Variants in GHR observed in about 807,000 individuals in gnomAD.
GHR encodes the protein GH receptor.
A neutral mutation model predicts 67.1 loss-of-function variants in GHR; 35 were observed. The ratio of observed to expected loss-of-function variants is 0.52; its 90% confidence interval spans 0.40 to 0.69. The LOEUF (loss-of-function observed/expected upper bound fraction) is 0.69. GHR is among the 30% of genes least tolerant of loss of function. GHR has a pLI of 0.00. For missense variants in GHR, 792 were observed against 764.6 expected, an observed-to-expected ratio of 1.04 and a Z score of -0.42; for synonymous variants, 272 against 269.1, an observed-to-expected ratio of 1.01 and a Z score of -0.10.
chr5:42,562,011 C>G (rs141850791), intron 1 of GHR, among the ~76,000 whole-genome samples: 1 of 151,790 alleles, frequency 6.6e-6, no homozygotes, highest in Admixed American at 6.6e-5. Context: ...AAGGGCTTGG[C>G]AGAGGGGAAT....
intron 2 of GHR, among the ~76,000 whole-genome samples, chr5:42,579,151 T>TGATAGATAGATAG (rs1554021883): frequency 3.4e-5 from 3 of 88,248 alleles, no homozygotes; most frequent in Non-Finnish European, 7.2e-5. Flanking sequence ...GATAGATAGA[T>TGATAGATAGATAG]ATAGATAGAT....
intron 3 of GHR, among the ~76,000 whole-genome samples, chr5:42,662,316 C>G (rs1402971586): frequency 6.6e-6 from 1 of 152,110 alleles, no homozygotes; most frequent in Non-Finnish European, 1.5e-5. Context: ...TTTTCAGCAC[C>G]ACACCACACC....
chr5:42,643,855 T>C (rs1273138099), intron 3 of GHR, among the ~76,000 whole-genome samples: 1 of 152,034 alleles, frequency 6.6e-6, no homozygotes, highest in Non-Finnish European at 1.5e-5. Flanking sequence ...ACAGTGGTAT[T>C]TTTTTAAAAA....
At chr5:42,516,747 G>A (rs575306971) in intron 1 of GHR, among the ~76,000 whole-genome samples, 24 of 152,160 alleles carry the variant, frequency 1.6e-4, no homozygotes, top group Non-Finnish European at 3.5e-4. Context: ...GAGCCCATCA[G>A]CAAGACGGTT....
At chr5:42,607,991 A>T (rs1752706754) in intron 2 of GHR, among the ~76,000 whole-genome samples, 1 of 152,194 alleles carries the variant, frequency 6.6e-6, no homozygotes, top group African/African-American at 2.4e-5. Context: ...ATCTAGGCTG[A>T]TTCTAACTAC....
At chr5:42,554,853 CA>C (rs1327087921) in intron 1 of GHR, among the ~76,000 whole-genome samples, 3 of 152,024 alleles carry the variant, frequency 2.0e-5, no homozygotes, top group African/African-American at 7.2e-5. Context: ...ATTAATATAT[CA>C]ATTTTTAACT....
At chr5:42,515,500 G>A (rs774173385) in intron 1 of GHR, among the ~76,000 whole-genome samples, 24 of 152,236 alleles carry the variant, frequency 1.6e-4, no homozygotes, top group Non-Finnish European at 2.6e-4. Flanking sequence ...CCAAGGTGTT[G>A]TTCTAGAGGA....
intron 2 of GHR, among the ~76,000 whole-genome samples, chr5:42,566,754 A>G (rs1749965825): frequency 6.6e-6 from 1 of 151,712 alleles, no homozygotes; most frequent in South Asian, 2.1e-4. Flanking sequence ...CTCCCATGCT[A>G]TGACACTGAA....
intron 3 of GHR, among the ~76,000 whole-genome samples, chr5:42,637,493 C>T (rs1166012845): frequency 6.6e-6 from 1 of 152,134 alleles, no homozygotes; most frequent in African/African-American, 2.4e-5. Flanking sequence ...TCTACTGTTG[C>T]CATCTTTATA....
intron 1 of GHR, among the ~76,000 whole-genome samples, chr5:42,444,621 A>G (rs1341858382): frequency 1.3e-5 from 2 of 151,934 alleles, no homozygotes; most frequent in African/African-American, 2.4e-5. Flanking sequence ...AGAATCCTAT[A>G]TATTCCCTCA....
chr5:42,695,223 G>A (rs1757616987), intron 5 of GHR, 134 bp downstream of exon 5: 3 of 712,634 alleles, frequency 4.2e-6, no homozygotes, highest in South Asian at 3.0e-5. Context: ...CTGTTTTACA[G>A]GAGATGGGAT....
chr5:42,433,618 G>C (rs1579689433), intron 1 of GHR, among the ~76,000 whole-genome samples: 1 of 151,688 alleles, frequency 6.6e-6, no homozygotes, highest in East Asian at 1.9e-4. Flanking sequence ...AAGTTCATTA[G>C]AGACTATAAA....
At chr5:42,474,058 G>A (rs1273119650) in intron 1 of GHR, among the ~76,000 whole-genome samples, 2 of 150,002 alleles carry the variant, frequency 1.3e-5, no homozygotes, top group African/African-American at 2.5e-5. Flanking sequence ...ATGTGGTGGT[G>A]CACACCTATA....
chr5:42,500,376 G>A (rs1448367905), intron 1 of GHR, among the ~76,000 whole-genome samples: 1 of 152,230 alleles, frequency 6.6e-6, no homozygotes, highest in Non-Finnish European at 1.5e-5. Context: ...TTTAAATCTG[G>A]GTTCTGCCCT....
At chr5:42,501,605 T>A (rs1218286832) in intron 1 of GHR, among the ~76,000 whole-genome samples, 2 of 152,182 alleles carry the variant, frequency 1.3e-5, no homozygotes, top group African/African-American at 2.4e-5. Context: ...TTAGGATGTT[T>A]AGCAGCATCT....
At chr5:42,703,913 T>C (rs902087213) in intron 6 of GHR, among the ~76,000 whole-genome samples, 5 of 152,012 alleles carry the variant, frequency 3.3e-5, no homozygotes, top group Non-Finnish European at 5.9e-5. Flanking sequence ...TTTACTGAAT[T>C]TGTTTATCTG....
chr5:42,537,749 G>A (rs1049759332), intron 1 of GHR, among the ~76,000 whole-genome samples: 1 of 152,064 alleles, frequency 6.6e-6, no homozygotes, highest in East Asian at 1.9e-4. Context: ...AGTGCTGTCA[G>A]TGGAATATTG....
At chr5:42,568,680 C>G (rs1750091785) in intron 2 of GHR, among the ~76,000 whole-genome samples, 1 of 152,168 alleles carries the variant, frequency 6.6e-6, no homozygotes, top group Admixed American at 6.5e-5. Context: ...AAGCAAGCCC[C>G]TGCCTTGTAG....
At chr5:42,458,517 T>TA (rs1744353664) in intron 1 of GHR, among the ~76,000 whole-genome samples, 1 of 151,836 alleles carries the variant, frequency 6.6e-6, no homozygotes, top group South Asian at 2.1e-4. Context: ...CCTAAAACTA[T>TA]AAAAAACCCT....
Sources: allele counts gnomAD v4.1 joint callset (sites outside exome capture counted in the v4.1 genomes callset), GRCh38; gene constraint gnomAD v4.1.1; transcripts MANE v1.5; gene names NCBI Gene and HGNC (gene_info 2026-07-23, HGNC 2026-07-21).